Variants in ARMC2 observed in about 807,000 individuals in gnomAD.
ARMC2 encodes the protein armadillo repeat containing 2.
ARMC2 carries 67 observed loss-of-function variants against 90.3 expected under a neutral mutation model. The observed-to-expected ratio is 0.74, with a 90% CI of 0.61 to 0.91. ARMC2 has a LOEUF of 0.91. Among genes scored for constraint, ARMC2 ranks in the 40% least tolerant of loss-of-function variants. The pLI is 0.00. For missense variants in ARMC2, 920 were observed against 1,030.9 expected, an observed-to-expected ratio of 0.89 and a Z score of 1.47; for synonymous variants, 393 against 393.0, an observed-to-expected ratio of 1.00 and a Z score of 0.00.
At chr6:109,039,939 A>T in the ARMC2 span, among the ~76,000 whole-genome samples, 7 of 152,332 alleles carry the variant, frequency 4.6e-5, no homozygotes, top group South Asian at 1.4e-3. Context: ...CACAGACTGC[A>T]TCACAGCTGT....
chr6:108,893,016 T>C (rs997777042), intron 5 of ARMC2, among the ~76,000 whole-genome samples: 5 of 152,214 alleles, frequency 3.3e-5, no homozygotes, highest in Non-Finnish European at 7.3e-5. Flanking sequence ...AATTTTGATA[T>C]AAAACTTGCA....
At chr6:108,994,538 T>A in the ARMC2 span, 1 of 1,613,700 alleles carries the variant, frequency 6.2e-7, no homozygotes, top group South Asian at 1.1e-5. Flanking sequence ...TTGCCTCTTC[T>A]TCATCTCGAC....
chr6:108,991,041 A>G, the ARMC2 span, among the ~76,000 whole-genome samples: 1 of 150,244 alleles, frequency 6.7e-6, no homozygotes, highest in Non-Finnish European at 1.5e-5. Context: ...TAACTCAGTG[A>G]GTTTAAAAAC....
the ARMC2 span, among the ~76,000 whole-genome samples, chr6:109,045,903 G>A: frequency 4.6e-5 from 7 of 152,142 alleles, no homozygotes; most frequent in Non-Finnish European, 8.8e-5. Context: ...TGTGAGGCAC[G>A]ATATGGAAGA....
At chr6:109,024,234 C>A in the ARMC2 span, among the ~76,000 whole-genome samples, 1 of 152,064 alleles carries the variant, frequency 6.6e-6, no homozygotes, top group Admixed American at 6.6e-5. Context: ...TTACTTGGTA[C>A]AAAATTATAA....
chr6:109,031,287 T>C, the ARMC2 span, among the ~76,000 whole-genome samples: 1 of 152,160 alleles, frequency 6.6e-6, no homozygotes, highest in Non-Finnish European at 1.5e-5. Flanking sequence ...AAAGGAGCCC[T>C]AAAAGATTCT....
At chr6:108,912,697 C>A in intron 10 of ARMC2, 139 bp downstream of exon 10, 2 of 712,790 alleles carry the variant, frequency 2.8e-6, no homozygotes, top group Non-Finnish European at 4.6e-6. Flanking sequence ...AGCCATAGCC[C>A]ACCTCCACCC....
intron 5 of ARMC2, among the ~76,000 whole-genome samples, chr6:108,891,768 A>G (rs992611221): frequency 3.3e-5 from 5 of 152,108 alleles, no homozygotes; most frequent in Admixed American, 2.6e-4. Context: ...CCATTTGTCA[A>G]TTTTGGCTTT....
intron 10 of ARMC2, among the ~76,000 whole-genome samples, chr6:108,919,419 A>G (rs1774318619): frequency 6.6e-6 from 1 of 152,204 alleles, no homozygotes; most frequent in Admixed American, 6.5e-5. Context: ...AGTGTCTACC[A>G]GTAGAACTTT....
At chr6:108,958,645 G>A (rs1240128114) in intron 13 of ARMC2, among the ~76,000 whole-genome samples, 1 of 152,186 alleles carries the variant, frequency 6.6e-6, no homozygotes, top group African/African-American at 2.4e-5. Context: ...GTCTGGGGCT[G>A]GAGGAAACTA....
At chr6:108,859,478 C>G (rs1774990970) in intron 3 of ARMC2, among the ~76,000 whole-genome samples, 1 of 151,998 alleles carries the variant, frequency 6.6e-6, no homozygotes, top group Non-Finnish European at 1.5e-5. Flanking sequence ...GTTTTTTCTT[C>G]TCTGGAAGTT....
At chr6:109,044,541 C>T in the ARMC2 span, among the ~76,000 whole-genome samples, 1 of 151,794 alleles carries the variant, frequency 6.6e-6, no homozygotes. Context: ...GACTAAAAAA[C>T]ATCTAGAAGA....
intron 17 of ARMC2, among the ~76,000 whole-genome samples, chr6:108,971,571 C>A (rs941506145): frequency 6.6e-5 from 10 of 152,054 alleles, no homozygotes; most frequent in Non-Finnish European, 1.5e-4. Context: ...TGTAGAAAAT[C>A]TGATATCAAC....
At chr6:109,001,298 A>G in the ARMC2 span, 242 of 1,613,390 alleles carry the variant, frequency 1.5e-4, no homozygotes, top group Non-Finnish European at 1.9e-4. Context: ...CATTATTCCA[A>G]TGTAGTGACG....
chr6:108,858,071 A>G (rs1008422107), intron 2 of ARMC2, 128 bp from the exon 3 acceptor site: 5 of 581,414 alleles, frequency 8.6e-6, no homozygotes, highest in Non-Finnish European at 1.5e-5. Context: ...AACATGAAAA[A>G]ATGTTTTTCC....
chr6:108,991,481 A>AACT, the ARMC2 span, among the ~76,000 whole-genome samples: 1 of 152,058 alleles, frequency 6.6e-6, no homozygotes, highest in South Asian at 2.1e-4. Context: ...GGCCTCAGTG[A>AACT]TTTTCCCATC....
chr6:109,020,577 C>T, the ARMC2 span, among the ~76,000 whole-genome samples: 1 of 152,150 alleles, frequency 6.6e-6, no homozygotes, highest in Non-Finnish European at 1.5e-5. Flanking sequence ...TTGCACAGTG[C>T]AATTCTATAC....
At chr6:108,969,725 TATG>T (rs1778626207) in intron 17 of ARMC2, among the ~76,000 whole-genome samples, 1 of 152,218 alleles carries the variant, frequency 6.6e-6, no homozygotes, top group Non-Finnish European at 1.5e-5. Context: ...GTTTCTAACT[TATG>T]ATGATTCAAA....
intron 1 of ARMC2, among the ~76,000 whole-genome samples, chr6:108,853,619 A>G (rs1293561576): frequency 6.6e-6 from 1 of 152,150 alleles, no homozygotes; most frequent in African/African-American, 2.4e-5. Flanking sequence ...TGGCCCTTGT[A>G]ATGACTTTAA....
Sources: allele counts gnomAD v4.1 joint callset (sites outside exome capture counted in the v4.1 genomes callset), GRCh38; gene constraint gnomAD v4.1.1; transcripts MANE v1.5; gene names NCBI Gene and HGNC (gene_info 2026-07-23, HGNC 2026-07-21).